BMPR1B: variants seen among roughly 807,000 people sequenced by gnomAD.
The protein encoded by BMPR1B is bone morphogenetic protein receptor type-1B.
In BMPR1B, 12 loss-of-function variants were observed where a neutral mutation model predicts 59.1. That is an observed-to-expected ratio of 0.20 (90% CI 0.13 to 0.33). BMPR1B has a LOEUF of 0.33. Among genes scored for constraint, BMPR1B ranks in the 10% least tolerant of loss-of-function variants. BMPR1B has a pLI of 1.00. For synonymous variants in BMPR1B, 237 were observed against 207.3 expected (o/e 1.14, Z -1.23); for missense variants, 550 against 610.9 (o/e 0.90, Z 1.05).
rs377131004 is a variant in BMPR1B, at chr4:94,923,822, G to A, written c.-113+47922G>A. 2.0e-4 allele frequency among the ~76,000 whole-genome samples: 30 copies of A among 151,994 alleles called. 1 individual carries two copies. The highest frequency in any genetic ancestry group is 5.5e-4 in the African/African-American group (23 of 41,454). The stretch of plus-strand genomic sequence containing the variant: ...GATGTTCTAGATTAGATGATCTTTC[G>A]GCTCAAAGATAATTTGGGTTCTAGA... On this transcript the variant is annotated intron_variant, in intron 2 of 12. Transcript: ENST00000515059.
intron 3 of BMPR1B, among the ~76,000 whole-genome samples, chr4:95,092,215 AC>A (rs1232018241): frequency 1.3e-5 from 2 of 152,120 alleles, no homozygotes; most frequent in East Asian, 3.8e-4. Flanking sequence ...TTTATTTTTT[AC>A]CAGGAAGGAT....
At chr4:94,867,576 C>T (rs1726297198) in intron 1 of BMPR1B, among the ~76,000 whole-genome samples, 1 of 152,168 alleles carries the variant, frequency 6.6e-6, no homozygotes, top group South Asian at 2.1e-4. Flanking sequence ...AGTTTAGTTT[C>T]CCTGCCTGTC....
At chr4:94,793,004 C>CTTCT (rs35752864) in intron 1 of BMPR1B, among the ~76,000 whole-genome samples, 9 of 1,008 alleles carry the variant, frequency 8.9e-3, no homozygotes, top group Admixed American at 0.02. Flanking sequence ...CTATAGAAAA[C>CTTCT]TTTTTTTTTC....
chr4:95,145,603 A>C (rs1334066253), intron 10 of BMPR1B, among the ~76,000 whole-genome samples: 1 of 152,158 alleles, frequency 6.6e-6, no homozygotes, highest in Non-Finnish European at 1.5e-5. Flanking sequence ...CACAAGCTTG[A>C]TTTTTCTCTG....
At chr4:95,058,078 T>A (rs1185734614) in intron 3 of BMPR1B, among the ~76,000 whole-genome samples, 1 of 152,144 alleles carries the variant, frequency 6.6e-6, no homozygotes, top group Non-Finnish European at 1.5e-5. Context: ...CAGACTTTAG[T>A]TCTAGGACAT....
chr4:94,975,357 G>GTTTTTTTTTTTTTT lies in BMPR1B; in HGVS notation c.-112-20678_-112-20677insTTTTTTTTTTTTTT. ...ATAAATAAAATCTTAATTTCCTTTT[G>GTTTTTTTTTTTTTT]TTTTTGTTTTTTTTTTTTTTTTTTG... is the stretch of plus-strand genomic sequence containing the variant. On this transcript the variant is annotated intron_variant, in intron 2 of 12. Coordinates refer to ENST00000515059, the MANE Select transcript of BMPR1B (RefSeq NM_001203.3). 2.1e-5 allele frequency among the ~76,000 whole-genome samples: 2 copies of GTTTTTTTTTTTTTT among 94,220 alleles called. 1 individual carries two copies. The allele number at this position is 94,220 out of a possible 152,430, so 61.8% of individuals were successfully genotyped here. A position where few individuals can be genotyped will look rare whatever the true frequency, so the allele number is the denominator to read the frequency against.
chr4:95,082,645 G>A (rs1271388019), intron 3 of BMPR1B, among the ~76,000 whole-genome samples: 1 of 152,142 alleles, frequency 6.6e-6, no homozygotes, highest in East Asian at 1.9e-4. Flanking sequence ...GTCCCAAATA[G>A]TAAATGGCAG....
chr4:94,948,185 G>A (rs1270204880), intron 2 of BMPR1B, among the ~76,000 whole-genome samples: 1 of 152,138 alleles, frequency 6.6e-6, no homozygotes, highest in Non-Finnish European at 1.5e-5. Context: ...ACAGGTACTT[G>A]CCTTTCTCTA....
At chr4:94,868,036 T>A (rs530690678) in intron 1 of BMPR1B, among the ~76,000 whole-genome samples, 1 of 144,576 alleles carries the variant, frequency 6.9e-6, no homozygotes, top group Admixed American at 7.0e-5. Flanking sequence ...TTTTTTTTTG[T>A]ATTTTCAGTA....
intron 3 of BMPR1B, chr4:95,051,749 T>G: frequency 6.5e-7 from 1 of 1,535,578 alleles, no homozygotes; most frequent in Non-Finnish European, 8.7e-7. Context: ...TTCTTGCTCA[T>G]TCTTCTCTCT....
intron 2 of BMPR1B, among the ~76,000 whole-genome samples, chr4:94,979,645 A>G (rs1219753830): frequency 6.6e-6 from 1 of 152,260 alleles, no homozygotes; most frequent in Non-Finnish European, 1.5e-5. Context: ...TTGTATAAGT[A>G]TTGACAGATT....
chr4:94,863,880 G>A (rs1726099304), intron 1 of BMPR1B, among the ~76,000 whole-genome samples: 1 of 152,228 alleles, frequency 6.6e-6, no homozygotes, highest in Non-Finnish European at 1.5e-5. Context: ...TCTAATGCCA[G>A]TAGATATTTT....
intron 3 of BMPR1B, among the ~76,000 whole-genome samples, chr4:95,075,775 A>G (rs569624674): frequency 4.7e-4 from 71 of 152,204 alleles, no homozygotes; most frequent in African/African-American, 1.6e-3. Context: ...CCATGTTTCC[A>G]AGTAGGCACT....
At chr4:94,810,320 A>G (rs1435084503) in intron 1 of BMPR1B, among the ~76,000 whole-genome samples, 1 of 152,232 alleles carries the variant, frequency 6.6e-6, no homozygotes, top group Non-Finnish European at 1.5e-5. Context: ...ACTAAGCAAT[A>G]TGTGGAAATT....
intron 2 of BMPR1B, among the ~76,000 whole-genome samples, chr4:94,918,465 C>G (rs1425540482): frequency 5.9e-5 from 9 of 152,040 alleles, no homozygotes; most frequent in Non-Finnish European, 1.0e-4. Flanking sequence ...TCACTTGAGT[C>G]TAGGAGTTTG....
chr4:94,935,658 T>A (rs1729266123), intron 2 of BMPR1B, among the ~76,000 whole-genome samples: 1 of 152,134 alleles, frequency 6.6e-6, no homozygotes, highest in Admixed American at 6.6e-5. Context: ...TTCAGAGAGG[T>A]AATCTTAGAG....
chr4:94,856,707 A>C (rs1412755544), intron 1 of BMPR1B, among the ~76,000 whole-genome samples: 1 of 152,344 alleles, frequency 6.6e-6, no homozygotes, highest in East Asian at 1.9e-4. Context: ...GGGCAGGCCA[A>C]ACTGTTTTGT....
chr4:94,932,760 A>C (rs1729145067), intron 2 of BMPR1B, among the ~76,000 whole-genome samples: 2 of 152,196 alleles, frequency 1.3e-5, no homozygotes. Flanking sequence ...CAGTAATTTA[A>C]TAACAGGGAT....
chr4:94,956,579 T>G (rs1272346646), intron 2 of BMPR1B, among the ~76,000 whole-genome samples: 1 of 152,178 alleles, frequency 6.6e-6, no homozygotes, highest in African/African-American at 2.4e-5. Flanking sequence ...AGTACTGAGT[T>G]TGTGGAACAT....
Sources: allele counts gnomAD v4.1 joint callset (sites outside exome capture counted in the v4.1 genomes callset), GRCh38; gene constraint gnomAD v4.1.1; transcripts MANE v1.5; gene names NCBI Gene and HGNC (gene_info 2026-07-23, HGNC 2026-07-21).